The following SLAMF6 variants were observed in gnomAD, a reference collection of about 807,000 sequenced individuals.
The protein encoded by SLAMF6 is SLAM family member 6.
Under a neutral mutation model 38.3 loss-of-function variants are expected in SLAMF6, and 21 were observed. That is an observed-to-expected ratio of 0.55 (90% CI 0.39 to 0.79). The LOEUF is 0.79. SLAMF6 is among the 30% of genes least tolerant of loss of function. SLAMF6 has a pLI of 0.00. For synonymous variants in SLAMF6, 152 were observed against 146.3 expected (o/e 1.04, Z -0.28); for missense variants, 341 against 385.3 (o/e 0.89, Z 0.96).
intron 1 of SLAMF6, among the ~76,000 whole-genome samples, chr1:160,521,628 A>G (rs916038058): frequency 2.0e-5 from 3 of 152,086 alleles, no homozygotes; most frequent in African/African-American, 7.2e-5. Flanking sequence ...CCTCAGCTTA[A>G]CATATCTCTA....
intron 1 of SLAMF6, among the ~76,000 whole-genome samples, chr1:160,502,358 A>C (rs941905455): frequency 5.9e-5 from 9 of 152,196 alleles, no homozygotes; most frequent in Non-Finnish European, 1.2e-4. Context: ...AACTCCTTGC[A>C]ACATGAAGGT....
At chr1:160,522,067 T>C (rs1244974958) in intron 1 of SLAMF6, among the ~76,000 whole-genome samples, 1 of 152,206 alleles carries the variant, frequency 6.6e-6, no homozygotes. Context: ...CTCATTCCAA[T>C]TACCAATTAC....
chr1:160,519,306 GA>G (rs1280066273), intron 1 of SLAMF6, among the ~76,000 whole-genome samples: 3 of 151,970 alleles, frequency 2.0e-5, no homozygotes, highest in Non-Finnish European at 4.4e-5. Flanking sequence ...TTTTAAAAAG[GA>G]AAAAAACAAG....
At chr1:160,488,067 G>C (rs895424077) in intron 6 of SLAMF6, among the ~76,000 whole-genome samples, 2 of 150,248 alleles carry the variant, frequency 1.3e-5, no homozygotes, top group African/African-American at 2.5e-5. Context: ...CTCAGCCCTT[G>C]GTGACAGAGT....
At chr1:160,517,423 A>G (rs938932855) in intron 1 of SLAMF6, among the ~76,000 whole-genome samples, 2 of 152,252 alleles carry the variant, frequency 1.3e-5, no homozygotes, top group African/African-American at 4.8e-5. Flanking sequence ...AATTAGTTCA[A>G]CCATTGTGGA....
chr1:160,513,167 T>A (rs891447770), intron 1 of SLAMF6, among the ~76,000 whole-genome samples: 1 of 152,094 alleles, frequency 6.6e-6, no homozygotes, highest in Non-Finnish European at 1.5e-5. Flanking sequence ...GAGAGGAACA[T>A]AAATGACTTG....
chr1:160,515,130 A>G (rs1336732917), intron 1 of SLAMF6, among the ~76,000 whole-genome samples: 7 of 152,194 alleles, frequency 4.6e-5, no homozygotes, highest in African/African-American at 1.4e-4. Context: ...AACAAAGAAG[A>G]AAAGAGAGAA....
chr1:160,522,905 C>G (rs954045534), intron 1 of SLAMF6, among the ~76,000 whole-genome samples: 1 of 152,148 alleles, frequency 6.6e-6, no homozygotes, highest in Non-Finnish European at 1.5e-5. Flanking sequence ...TCTGCCCCAG[C>G]AAATAACTTT....
At chr1:160,495,337 G>T (rs1029130570) in intron 2 of SLAMF6, among the ~76,000 whole-genome samples, 1 of 152,202 alleles carries the variant, frequency 6.6e-6, no homozygotes, top group African/African-American at 2.4e-5. Flanking sequence ...GATTGCTAGA[G>T]AGGTATTTTT....
intron 6 of SLAMF6, among the ~76,000 whole-genome samples, chr1:160,488,017 G>A (rs976793639): frequency 8.6e-5 from 13 of 151,668 alleles, no homozygotes; most frequent in African/African-American, 4.8e-5. Flanking sequence ...CTGAGCATGA[G>A]GAGGTTGAGG....
intron 2 of SLAMF6, among the ~76,000 whole-genome samples, chr1:160,491,926 G>A (rs1425151458): frequency 6.6e-6 from 1 of 152,110 alleles, no homozygotes; most frequent in African/African-American, 2.4e-5. Flanking sequence ...ATCTAAAGCT[G>A]GCTCCAATAG....
chr1:160,516,004 G>C (rs1654725573), intron 1 of SLAMF6, among the ~76,000 whole-genome samples: 1 of 152,050 alleles, frequency 6.6e-6, no homozygotes, highest in African/African-American at 2.4e-5. Context: ...TTCTGACCAG[G>C]GCAATCAGGC....
chr1:160,511,968 A>T (rs1654495200), intron 1 of SLAMF6, among the ~76,000 whole-genome samples: 1 of 152,202 alleles, frequency 6.6e-6, no homozygotes, highest in African/African-American at 2.4e-5. Context: ...CCACCCAGGA[A>T]ACCATGCTTT....
rs1212275898 is a variant in SLAMF6, at chr1:160,486,589, C to T, written c.*118G>A. On this transcript the variant is annotated 3_prime_UTR_variant, in exon 8 of 8. Transcript: ENST00000368057. ...GAAGGACTGGAGGTGATCATCCTAT[C>T]CTAGATATTCAAATTCTGTTGCCAG... 5.7e-6 allele frequency: 6 copies of T among 1,055,858 alleles called. No homozygotes were observed. The East Asian group carries it at 1.5e-4, about 26-fold the overall frequency. 65.4% of individuals were successfully genotyped at this position (1,055,858 alleles called of 1,614,324 possible).
intron 1 of SLAMF6, among the ~76,000 whole-genome samples, chr1:160,517,968 T>C (rs1240568712): frequency 6.6e-6 from 1 of 152,168 alleles, no homozygotes; most frequent in Non-Finnish European, 1.5e-5. Flanking sequence ...GGTTTACCTA[T>C]GTAACAAACC....
intron 1 of SLAMF6, among the ~76,000 whole-genome samples, chr1:160,517,651 C>A (rs1375491697): frequency 6.6e-6 from 1 of 152,198 alleles, no homozygotes; most frequent in African/African-American, 2.4e-5. Flanking sequence ...GGAACATATA[C>A]ACCATGGAAT....
In SLAMF6 at chr1:160,521,226, AACACC is replaced by A. The variant is rs1394347061; in HGVS notation, c.49+1913_49+1917del. ...CCACTTCTCTCCTCCTGGGTCTCAG[AACACC>A]TGCATCTGCCTCCTGTAAACTCATT... On this transcript the variant is annotated intron_variant, in intron 1 of 7. Transcript: ENST00000368057. Among the ~76,000 whole-genome samples, 74 of 152,300 alleles carry A rather than the reference AACACC, an allele frequency of 4.9e-4. 3 individuals are homozygous for A. In the South Asian group the frequency reaches 0.015, roughly 31 times the overall value.
intron 2 of SLAMF6, 78 bp downstream of exon 2, chr1:160,495,983 A>G (rs566166062): frequency 6.1e-6 from 8 of 1,320,214 alleles, no homozygotes; most frequent in Non-Finnish European, 8.5e-6. Flanking sequence ...GCGACAGTGC[A>G]CATTTGAAGT....
intron 3 of SLAMF6, 104 bp downstream of exon 3, chr1:160,491,021 T>A: frequency 6.9e-7 from 1 of 1,443,304 alleles, no homozygotes; most frequent in Non-Finnish European, 9.5e-7. Flanking sequence ...CCAGCAGCAT[T>A]TTCTGCCTCC....
Sources: gnomAD v4.1 joint callset for allele counts (sites outside exome capture counted in the v4.1 genomes callset) on GRCh38, gnomAD v4.1.1 for gene constraint, MANE v1.5 for transcripts, NCBI Gene and HGNC (gene_info 2026-07-23, HGNC 2026-07-21) for gene names.